The following GALNT2 variants were observed in gnomAD, a reference collection of about 807,000 sequenced individuals.
GALNT2 encodes the protein polypeptide N-acetylgalactosaminyltransferase 2.
GALNT2 carries 31 observed loss-of-function variants against 81.4 expected under a neutral mutation model. The observed-to-expected ratio is 0.38, with a 90% confidence interval of 0.29 to 0.51. The LOEUF (loss-of-function observed/expected upper bound fraction) is 0.51, where lower values mean the gene tolerates loss of function less well. Among genes scored for constraint, GALNT2 ranks in the 20% least tolerant of loss-of-function variants. The pLI is 0.87. For synonymous variants in GALNT2, 303 were observed against 287.4 expected (o/e 1.05, Z -0.55); for missense variants, 629 against 765.7 (o/e 0.82, Z 2.11).
chr1:230,238,752 A>G (rs1352789740), intron 6 of GALNT2, among the ~76,000 whole-genome samples: 1 of 152,068 alleles, frequency 6.6e-6, no homozygotes, highest in South Asian at 2.1e-4. Flanking sequence ...CTTTTAATAT[A>G]TTTTTGTTAA....
intron 1 of GALNT2, among the ~76,000 whole-genome samples, chr1:230,110,888 A>G (rs929585174): frequency 9.9e-5 from 15 of 152,118 alleles, no homozygotes; most frequent in Non-Finnish European, 1.3e-4. Flanking sequence ...CTGACAGACC[A>G]TGGGAGTTCT....
intron 14 of GALNT2, among the ~76,000 whole-genome samples, chr1:230,267,003 C>G (rs74143158): frequency 3.9e-5 from 6 of 151,956 alleles, no homozygotes; most frequent in East Asian, 1.9e-4. Context: ...CACACACACA[C>G]ACACACACAC....
rs1666294428 is a variant in GALNT2 at position 230,275,996 on chromosome 1, CCA to C, written c.1560+1435_1560+1436del. On this transcript the variant is annotated intron_variant, in intron 15 of 15. Transcript: ENST00000366672. This position sits in a 1 kb window ranked among gnomAD's most constrained non-coding sequence, Gnocchi z 5.5. Reference sequence around the variant, plus strand: ...ACATATATATACGTATATATACATGCCACATATATATACGTATATATACATGC... The same window carrying C: ...ACATATATATACGTATATATACATGCCATATATATACGTATATATACATGC... Among the ~76,000 whole-genome samples, 1 of 74,498 alleles carries C rather than the reference CCA, an allele frequency of 1.3e-5. No individual in the cohort carries two copies. The highest frequency in any genetic ancestry group is 2.6e-5 in the Non-Finnish European group (1 of 37,980). The allele number at this position is 74,498 out of a possible 152,430, so 48.9% of individuals were successfully genotyped here. A position where few individuals can be genotyped will look rare whatever the true frequency, so the allele number is the denominator to read the frequency against.
intron 11 of GALNT2, chr1:230,262,301 A>G: frequency 4.6e-6 from 2 of 432,448 alleles, no homozygotes; most frequent in Non-Finnish European, 8.2e-6. Flanking sequence ...CTCGTGCTGT[A>G]ATTTCCACTT....
intron 1 of GALNT2, among the ~76,000 whole-genome samples, chr1:230,092,184 T>TTGTTTTTTTTTTTTTTG (rs796379271): frequency 6.7e-5 from 8 of 119,604 alleles, no homozygotes; most frequent in South Asian, 3.0e-4. Context: ...TAGTTTTTTT[T>TTGTTTTTTTTTTTTTTG]TTTTTTTTTT....
At chr1:230,263,406 G>C (rs1190354145) in intron 13 of GALNT2, 1 of 198,170 alleles carries the variant, frequency 5.0e-6, no homozygotes, top group Non-Finnish European at 1.0e-5. Flanking sequence ...CCCCCGCCAG[G>C]CGCCTTTGCA....
chr1:230,240,136 A>G lies in GALNT2; in HGVS notation c.608-3170A>G, dbSNP rs576015796. The stretch of plus-strand genomic sequence containing the variant: ...GTAGTATCTTTGTTTCTTTCCATAG[A>G]TTGGAGTTTTTATTTAGCCCGAATA... On this transcript the variant is annotated intron_variant, in intron 6 of 15. Coordinates refer to ENST00000366672, the MANE Select transcript of GALNT2 (RefSeq NM_004481.5). Among the ~76,000 whole-genome samples the G allele has an allele frequency of 5.3e-5, 8 of 152,234 alleles. No individual in the cohort carries two copies. The East Asian group carries it at 1.2e-3, about 22-fold the overall frequency.
At chr1:230,124,323 C>G (rs1044126259) in intron 1 of GALNT2, among the ~76,000 whole-genome samples, 1 of 152,154 alleles carries the variant, frequency 6.6e-6, no homozygotes, top group African/African-American at 2.4e-5. Context: ...TGGTGTGTTG[C>G]AAAACATTGC....
At chr1:230,223,388 T>C (rs907679727) in intron 3 of GALNT2, among the ~76,000 whole-genome samples, 1 of 152,162 alleles carries the variant, frequency 6.6e-6, no homozygotes, top group Non-Finnish European at 1.5e-5. Context: ...GGTTTATCTT[T>C]TGTAACACAT....
intron 1 of GALNT2, among the ~76,000 whole-genome samples, chr1:230,096,899 G>A (rs1050762995): frequency 5.9e-5 from 9 of 152,208 alleles, no homozygotes; most frequent in Admixed American, 5.2e-4. Context: ...AGATTCTGCA[G>A]AATGAGTAAT....
intron 1 of GALNT2, among the ~76,000 whole-genome samples, chr1:230,094,305 C>T (rs554882050): frequency 9.3e-5 from 14 of 149,804 alleles, no homozygotes; most frequent in African/African-American, 2.2e-4. Context: ...GCCACCATGC[C>T]TGGCCTTATT....
intron 1 of GALNT2, among the ~76,000 whole-genome samples, chr1:230,134,510 T>G (rs957340944): frequency 4.6e-5 from 7 of 152,194 alleles, no homozygotes; most frequent in Non-Finnish European, 1.0e-4. Context: ...TTTCTTTGGT[T>G]TCAGAGAAGC....
chr1:230,121,300 G>T (rs1162481229), intron 1 of GALNT2, among the ~76,000 whole-genome samples: 1 of 152,242 alleles, frequency 6.6e-6, no homozygotes, highest in Admixed American at 6.5e-5. Flanking sequence ...ACCTGAGGAG[G>T]CGCTGTCTTA....
chr1:230,136,983 C>T (rs1007377446), intron 1 of GALNT2, among the ~76,000 whole-genome samples: 7 of 152,198 alleles, frequency 4.6e-5, no homozygotes, highest in African/African-American at 7.2e-5. Context: ...TGGTTGGGGG[C>T]GAGAGCATTT....
chr1:230,276,302 C>A (rs1011576781), intron 15 of GALNT2, among the ~76,000 whole-genome samples: 5 of 152,038 alleles, frequency 3.3e-5, no homozygotes, highest in African/African-American at 1.2e-4. Flanking sequence ...CATGGGGTAA[C>A]AGTTAGTGTC....
chr1:230,077,886 T>A (rs946185865), intron 1 of GALNT2, among the ~76,000 whole-genome samples: 1 of 152,236 alleles, frequency 6.6e-6, no homozygotes, highest in Non-Finnish European at 1.5e-5. Flanking sequence ...TCCATTCCTA[T>A]CCCACCATGA....
chr1:230,199,773 C>T (rs6679699), intron 2 of GALNT2, among the ~76,000 whole-genome samples: 7,986 of 152,254 alleles, frequency 0.052, 590 homozygotes, highest in East Asian at 0.21. Context: ...CTGTTGAAGA[C>T]GCTCCTGTGT....
chr1:230,088,131 A>G (rs1659952160), intron 1 of GALNT2, among the ~76,000 whole-genome samples: 1 of 152,130 alleles, frequency 6.6e-6, no homozygotes, highest in Non-Finnish European at 1.5e-5. Flanking sequence ...ACCATGTAAC[A>G]TAAAGTTTAC....
intron 1 of GALNT2, among the ~76,000 whole-genome samples, chr1:230,078,945 A>G (rs1659646477): frequency 6.6e-6 from 1 of 152,210 alleles, no homozygotes; most frequent in African/African-American, 2.4e-5. Flanking sequence ...AGTAGCTGGG[A>G]CAACAGGCAT....
Sources: allele counts gnomAD v4.1 joint callset (sites outside exome capture counted in the v4.1 genomes callset), GRCh38; gene constraint gnomAD v4.1.1; non-coding constraint Gnocchi (gnomAD v3.1); transcripts MANE v1.5; gene names NCBI Gene and HGNC (gene_info 2026-07-23, HGNC 2026-07-21).